Variants in FSTL5 observed in about 807,000 individuals in gnomAD.
FSTL5 encodes the protein follistatin-related protein 5.
FSTL5 carries 62 observed loss-of-function variants against 89.1 expected under a neutral mutation model. The ratio of observed to expected loss-of-function variants is 0.70; its 90% CI spans 0.57 to 0.86. The LOEUF is 0.86. Ranked by LOEUF, FSTL5 falls within the 40% of genes least tolerant of loss-of-function variation. The probability of loss-of-function intolerance (pLI) is 0.00; values close to 1 mark genes in which losing one functional copy is unlikely to be tolerated. For missense variants in FSTL5, 1,057 were observed against 1,001.6 expected (o/e 1.06, Z -0.75); for synonymous variants, 383 against 346.2 (o/e 1.11, Z -1.18).
At chr4:161,568,244 T>A (rs1732887589) in intron 8 of FSTL5, among the ~76,000 whole-genome samples, 1 of 152,124 alleles carries the variant, frequency 6.6e-6, no homozygotes, top group South Asian at 2.1e-4. Context: ...AAGACAAGGA[T>A]CAGGAGGAAG....
chr4:162,079,268 C>T (rs1729990830), intron 2 of FSTL5, among the ~76,000 whole-genome samples: 2 of 151,632 alleles, frequency 1.3e-5, no homozygotes, highest in Admixed American at 6.6e-5. Flanking sequence ...CCTCTCAAGA[C>T]GCATCCCATA....
At chr4:161,918,306 A>G (rs1733894519) in intron 4 of FSTL5, among the ~76,000 whole-genome samples, 1 of 152,180 alleles carries the variant, frequency 6.6e-6, no homozygotes, top group Non-Finnish European at 1.5e-5. Flanking sequence ...TAGGCAAAAC[A>G]CCAAGTTAAG....
intron 10 of FSTL5, among the ~76,000 whole-genome samples, chr4:161,513,666 A>G (rs1255269259): frequency 2.0e-5 from 3 of 152,194 alleles, no homozygotes; most frequent in Non-Finnish European, 4.4e-5. Context: ...CCATAAAAAG[A>G]ACAGGATCAT....
intron 4 of FSTL5, among the ~76,000 whole-genome samples, chr4:161,823,286 A>G (rs1253213249): frequency 1.3e-5 from 2 of 152,142 alleles, no homozygotes; most frequent in African/African-American, 4.8e-5. Flanking sequence ...CAACATCAAC[A>G]TGCCATCCAC....
intron 3 of FSTL5, among the ~76,000 whole-genome samples, chr4:161,971,327 AT>A (rs1384024851): frequency 6.6e-6 from 1 of 152,182 alleles, no homozygotes; most frequent in African/African-American, 2.4e-5. Context: ...CTACTTTAAA[AT>A]ATCAGAAATT....
chr4:161,803,252 C>G (rs545134058), intron 4 of FSTL5, among the ~76,000 whole-genome samples: 1 of 152,002 alleles, frequency 6.6e-6, no homozygotes, highest in South Asian at 2.1e-4. Context: ...CTACAAGATT[C>G]TGTATTTAAA....
intron 2 of FSTL5, among the ~76,000 whole-genome samples, chr4:162,089,764 T>C (rs1326255108): frequency 6.6e-6 from 1 of 152,096 alleles, no homozygotes; most frequent in Non-Finnish European, 1.5e-5. Context: ...TCCAGATTAC[T>C]GTGCAAAATG....
At chr4:161,683,840 C>T (rs191016378) in intron 6 of FSTL5, among the ~76,000 whole-genome samples, 2 of 152,122 alleles carry the variant, frequency 1.3e-5, no homozygotes, top group East Asian at 3.9e-4. Context: ...TTTTGTGTAG[C>T]CATCACCCGA....
At chr4:161,907,213 G>T (rs758276826) in intron 4 of FSTL5, among the ~76,000 whole-genome samples, 1 of 151,850 alleles carries the variant, frequency 6.6e-6, no homozygotes, top group Non-Finnish European at 1.5e-5. Flanking sequence ...GTTATTATTC[G>T]GAATATGGAA....
chr4:162,068,542 A>C (rs559639243), intron 2 of FSTL5, among the ~76,000 whole-genome samples: 2 of 152,256 alleles, frequency 1.3e-5, no homozygotes, highest in African/African-American at 4.8e-5. Flanking sequence ...TTATATACAA[A>C]AATTAACTCA....
chr4:162,012,075 G>A (rs890889494), intron 3 of FSTL5, among the ~76,000 whole-genome samples: 32 of 152,084 alleles, frequency 2.1e-4, no homozygotes, highest in East Asian at 7.7e-4. Context: ...TTCAGTAAGC[G>A]CGTACAGCTC....
At chr4:161,856,906 G>A (rs1382848395) in intron 4 of FSTL5, among the ~76,000 whole-genome samples, 1 of 152,084 alleles carries the variant, frequency 6.6e-6, no homozygotes, top group African/African-American at 2.4e-5. Context: ...TGTGAAGCCA[G>A]ATTGTGGTTA....
chr4:161,925,595 C>T (rs1402513929), intron 3 of FSTL5, among the ~76,000 whole-genome samples: 1 of 151,742 alleles, frequency 6.6e-6, no homozygotes, highest in Non-Finnish European at 1.5e-5. Flanking sequence ...ATAATAATTA[C>T]AGTAATAATG....
chr4:161,455,075 T>A lies in FSTL5; in HGVS notation c.1770A>T (p.Pro590=). Residue 590 remains proline (P), a synonymous_variant, in exon 15 of 16, where the codon CCA becomes CCT. Coordinates refer to ENST00000306100, the MANE Select transcript of FSTL5 (RefSeq NM_020116.5). Reference sequence around the variant, plus strand: ...CCACTCTGTCAAATTGCTTTCCCACTGGTTGGGTGTGGATCGTGTGGTGAG... The same window carrying A: ...CCACTCTGTCAAATTGCTTTCCCACAGGTTGGGTGTGGATCGTGTGGTGAG... ...NVPHHTIHTQ[P]VGKQFDRVDD... is the part of the protein sequence containing the mutation. 6.2e-7 allele frequency: 1 copy of A among 1,613,400 alleles called. No individual in the cohort carries two copies. The highest frequency in any genetic ancestry group is 1.3e-5 in the African/African-American group (1 of 74,986).
At chr4:162,056,451 C>T (rs1285363960) in intron 2 of FSTL5, among the ~76,000 whole-genome samples, 1 of 151,144 alleles carries the variant, frequency 6.6e-6, no homozygotes, top group Admixed American at 6.6e-5. Context: ...TTTCTGTACA[C>T]TTGAAAAAAT....
intron 7 of FSTL5, among the ~76,000 whole-genome samples, chr4:161,624,475 A>G (rs115436804): frequency 0.049 from 7,492 of 151,940 alleles, 595 homozygotes; most frequent in African/African-American, 0.17. Flanking sequence ...GACAATTTTG[A>G]TTAAATGTAT....
intron 7 of FSTL5, among the ~76,000 whole-genome samples, chr4:161,645,868 C>T (rs569034419): frequency 4.6e-4 from 70 of 151,848 alleles, no homozygotes; most frequent in African/African-American, 1.6e-3. Context: ...AAAAATTATG[C>T]GGTGAATGAT....
intron 10 of FSTL5, among the ~76,000 whole-genome samples, chr4:161,527,336 C>T (rs1333979503): frequency 6.6e-6 from 1 of 152,090 alleles, no homozygotes; most frequent in Admixed American, 6.6e-5. Flanking sequence ...GCAAAAGAAA[C>T]TACCATCAGA....
At chr4:162,148,668 A>G (rs921010200) in intron 1 of FSTL5, among the ~76,000 whole-genome samples, 2 of 152,194 alleles carry the variant, frequency 1.3e-5, no homozygotes, top group Non-Finnish European at 1.5e-5. Flanking sequence ...ATACCCTCAA[A>G]AAGATTATTG....
Sources: allele counts gnomAD v4.1 joint callset (sites outside exome capture counted in the v4.1 genomes callset), GRCh38; gene constraint gnomAD v4.1.1; transcripts MANE v1.5; gene names NCBI Gene and HGNC (gene_info 2026-07-23, HGNC 2026-07-21).